TMEM131L: variants seen among roughly 807,000 people sequenced by gnomAD.
TMEM131L encodes the protein transmembrane 131 like.
TMEM131L carries 54 observed loss-of-function variants against 192.2 expected under a neutral mutation model. The observed-to-expected ratio is 0.28, with a 90% CI of 0.23 to 0.35. The LOEUF is 0.35. Among genes scored for constraint, TMEM131L ranks in the 10% least tolerant of loss-of-function variants. TMEM131L has a pLI of 1.00. For synonymous variants in TMEM131L, 701 were observed against 704.9 expected (o/e 0.99, Z 0.09); for missense variants, 1,888 against 1,972.9 (o/e 0.96, Z 0.82).
chr4:153,590,754 A>G (rs1335039416), intron 16 of TMEM131L, among the ~76,000 whole-genome samples: 2 of 152,048 alleles, frequency 1.3e-5, no homozygotes. Flanking sequence ...TACCATCACT[A>G]TTATTTTTGA....
intron 15 of TMEM131L, among the ~76,000 whole-genome samples, chr4:153,588,033 C>T (rs1730816052): frequency 7.0e-6 from 1 of 142,936 alleles, no homozygotes; most frequent in South Asian, 2.1e-4. Flanking sequence ...GCTTGTACTT[C>T]CGCAAGGGTT....
At chr4:153,612,118 C>A (rs1732661542) in intron 25 of TMEM131L, 134 bp from the exon 26 acceptor site, 2 of 563,010 alleles carry the variant, frequency 3.6e-6, no homozygotes, top group Admixed American at 4.2e-5. Flanking sequence ...TCTAGAGCAT[C>A]ATGGATGTTA....
intron 2 of TMEM131L, among the ~76,000 whole-genome samples, chr4:153,469,332 C>T (rs1387819226): frequency 6.6e-6 from 1 of 151,930 alleles, no homozygotes; most frequent in Non-Finnish European, 1.5e-5. Context: ...CACACACACA[C>T]ACACACACGT....
chr4:153,580,919 T>C lies in TMEM131L; in HGVS notation c.738+16T>C. Reference sequence around the variant, plus strand: ...GCAATTAAAGGTAAAATAAAATGTGTAGTGTTTTCTCTCTGCTTTCCTCCT... The same window carrying C: ...GCAATTAAAGGTAAAATAAAATGTGCAGTGTTTTCTCTCTGCTTTCCTCCT... On this transcript the variant is annotated intron_variant, in intron 8 of 34. Transcript: ENST00000409959. 1.3e-6 allele frequency: 2 copies of C among 1,533,420 alleles called. No homozygotes were observed. The highest frequency in any genetic ancestry group is 1.7e-5 in the Admixed American group (1 of 59,816). 95.0% of individuals were successfully genotyped at this position (1,533,420 alleles called of 1,614,324 possible).
chr4:153,570,986 G>A (rs1196073340), intron 7 of TMEM131L, among the ~76,000 whole-genome samples: 10 of 151,970 alleles, frequency 6.6e-5, no homozygotes, highest in East Asian at 1.9e-4. Flanking sequence ...CCAGCTTTTT[G>A]TGTTGCTCTC....
rs1284120894 is a variant in TMEM131L, at chr4:153,593,929, A to AG, written c.1995+58_1995+59insG. On this transcript the variant is annotated intron_variant, in intron 19 of 34. Coordinates refer to ENST00000409959, the MANE Select transcript of TMEM131L (RefSeq NM_001131007.2). ...GCCGACAAACTAGACACATGAGCAT[A>AG]CGGGCCTCATTGATTTATGTTTAAA... The AG allele has an allele frequency of 3.3e-5, 36 of 1,087,182 alleles. No homozygotes were observed. The African/African-American group carries it at 5.1e-4, about 15-fold the overall frequency. 67.3% of individuals were successfully genotyped at this position (1,087,182 alleles called of 1,614,324 possible).
At chr4:153,476,256 G>A (rs992396155) in intron 3 of TMEM131L, among the ~76,000 whole-genome samples, 3 of 152,128 alleles carry the variant, frequency 2.0e-5, no homozygotes, top group African/African-American at 7.2e-5. Flanking sequence ...ACCACGCCTG[G>A]CCTGAATTGA....
chr4:153,528,386 A>G (rs987863036), intron 3 of TMEM131L, among the ~76,000 whole-genome samples: 2 of 152,186 alleles, frequency 1.3e-5, no homozygotes, highest in African/African-American at 4.8e-5. Context: ...ATGTTTCACA[A>G]TATTGAAAAA....
At chr4:153,494,821 G>A (rs912529790) in intron 3 of TMEM131L, among the ~76,000 whole-genome samples, 2 of 152,208 alleles carry the variant, frequency 1.3e-5, no homozygotes. Context: ...CTCAGCACCA[G>A]TGGGCTTGGT....
intron 30 of TMEM131L, 73 bp downstream of exon 30, chr4:153,626,298 C>T (rs981835766): frequency 4.1e-6 from 4 of 966,166 alleles, no homozygotes; most frequent in South Asian, 1.4e-5. Flanking sequence ...TGTGTTTCTT[C>T]TTTGTACTTG....
intron 3 of TMEM131L, among the ~76,000 whole-genome samples, chr4:153,499,936 G>C (rs891371830): frequency 1.1e-4 from 17 of 151,836 alleles, no homozygotes; most frequent in African/African-American, 3.9e-4. Context: ...CTCTTCTCTA[G>C]GTTGGTTTTA....
chr4:153,561,869 G>A (rs370105214), intron 7 of TMEM131L, among the ~76,000 whole-genome samples: 1 of 151,734 alleles, frequency 6.6e-6, no homozygotes, highest in East Asian at 1.9e-4. Context: ...TACTCTTGTG[G>A]TGTTACGGTA....
At chr4:153,551,224 C>T (rs1027177971) in intron 4 of TMEM131L, among the ~76,000 whole-genome samples, 7 of 152,170 alleles carry the variant, frequency 4.6e-5, no homozygotes, top group Admixed American at 1.3e-4. Flanking sequence ...AATGAAATAA[C>T]CATGGCCGTA....
At chr4:153,629,309 C>T (rs1430569471) in intron 31 of TMEM131L, among the ~76,000 whole-genome samples, 1 of 152,208 alleles carries the variant, frequency 6.6e-6, no homozygotes, top group Admixed American at 6.5e-5. Context: ...CTCCCACTGC[C>T]CTCTCCACCA....
chr4:153,572,899 A>G (rs980654344), intron 7 of TMEM131L, among the ~76,000 whole-genome samples: 2 of 151,944 alleles, frequency 1.3e-5, no homozygotes, highest in Non-Finnish European at 2.9e-5. Flanking sequence ...CCACTATTCT[A>G]CTTTCTGTCT....
intron 21 of TMEM131L, 110 bp downstream of exon 21, chr4:153,598,842 TC>T: frequency 2.2e-6 from 2 of 898,134 alleles, no homozygotes; most frequent in Non-Finnish European, 3.0e-6. Context: ...ATTTTTAAAT[TC>T]TAAAAATTTA....
At chr4:153,494,511 A>T (rs1733020470) in intron 3 of TMEM131L, among the ~76,000 whole-genome samples, 1 of 152,216 alleles carries the variant, frequency 6.6e-6, no homozygotes, top group Non-Finnish European at 1.5e-5. Flanking sequence ...TTATGCCATA[A>T]GGTACATTAA....
At chr4:153,630,443 C>T (rs1433362006) in intron 31 of TMEM131L, among the ~76,000 whole-genome samples, 1 of 152,172 alleles carries the variant, frequency 6.6e-6, no homozygotes, top group East Asian at 1.9e-4. Context: ...CTGTGTTGAT[C>T]TCTCCACTTG....
intron 3 of TMEM131L, among the ~76,000 whole-genome samples, chr4:153,492,788 CTGGCTTTGTATAATT>C (rs1428293632): frequency 3.9e-5 from 6 of 152,032 alleles, no homozygotes; most frequent in Non-Finnish European, 8.8e-5. Context: ...TATATCTTTT[CTGGCTTTGTATAATT>C]TGGCTCAGGG....
Sources: allele counts gnomAD v4.1 joint callset (sites outside exome capture counted in the v4.1 genomes callset), GRCh38; gene constraint gnomAD v4.1.1; transcripts MANE v1.5; gene names NCBI Gene and HGNC (gene_info 2026-07-23, HGNC 2026-07-21).